The following ARRB1 variants were observed in gnomAD, a reference collection of about 807,000 sequenced individuals.
The protein encoded by ARRB1 is beta-arrestin-1.
ARRB1 carries 21 observed loss-of-function variants against 56.8 expected under a neutral mutation model. The ratio of observed to expected loss-of-function variants is 0.37; its 90% CI spans 0.26 to 0.53. The LOEUF (loss-of-function observed/expected upper bound fraction) is 0.53. ARRB1 is among the 20% of genes least tolerant of loss of function. The probability of loss-of-function intolerance (pLI) is 0.88; values close to 1 mark genes in which losing one functional copy is unlikely to be tolerated. For synonymous variants in ARRB1, 210 were observed against 218.6 expected (o/e 0.96, Z 0.35); for missense variants, 424 against 553.7 (o/e 0.77, Z 2.35).
chr11:75,333,651 G>A (rs551554174), intron 1 of ARRB1, among the ~76,000 whole-genome samples: 46 of 152,290 alleles, frequency 3.0e-4, no homozygotes, highest in African/African-American at 9.4e-4. Flanking sequence ...GGGGTGAGGA[G>A]AGGATTTTAT....
chr11:75,322,607 G>C (rs1947364567), intron 1 of ARRB1, among the ~76,000 whole-genome samples: 1 of 152,204 alleles, frequency 6.6e-6, no homozygotes. Flanking sequence ...CAGGGACATG[G>C]GGGCAGGGCC....
At chr11:75,295,221 C>CAAA (rs34666904) in intron 1 of ARRB1, among the ~76,000 whole-genome samples, 96 of 73,012 alleles carry the variant, frequency 1.3e-3, no homozygotes, top group African/African-American at 3.1e-3. Flanking sequence ...AACCCTGTCT[C>CAAA]AAAAAAAAAA....
chr11:75,304,458 A>T (rs1946975155), intron 1 of ARRB1, among the ~76,000 whole-genome samples: 1 of 152,084 alleles, frequency 6.6e-6, no homozygotes, highest in South Asian at 2.1e-4. Context: ...CCTTATATTT[A>T]TCTGGATGGG....
At chr11:75,281,784 T>C in intron 6 of ARRB1, 178 bp downstream of exon 6, 1 of 646,238 alleles carries the variant, frequency 1.5e-6, no homozygotes. Flanking sequence ...ACCCCGTACC[T>C]GCTGCCCTGT....
At chr11:75,303,773 C>T (rs539515414) in intron 1 of ARRB1, 1 of 445,948 alleles carries the variant, frequency 2.2e-6, no homozygotes, top group Non-Finnish European at 4.5e-6. Context: ...AGGCACCCAG[C>T]ACACATGTGC....
chr11:75,273,222 T>G (rs1946111281), intron 11 of ARRB1, among the ~76,000 whole-genome samples: 1 of 151,934 alleles, frequency 6.6e-6, no homozygotes, highest in African/African-American at 2.4e-5. Context: ...GCTGAGCCCC[T>G]CTCCCTGCCC....
intron 11 of ARRB1, among the ~76,000 whole-genome samples, chr11:75,273,594 C>G (rs1591896786): frequency 6.6e-6 from 1 of 152,178 alleles, no homozygotes; most frequent in Non-Finnish European, 1.5e-5. Flanking sequence ...GATGGCATCC[C>G]CATAGCCAGG....
At chr11:75,281,691 T>C in intron 6 of ARRB1, 1 of 477,824 alleles carries the variant, frequency 2.1e-6, no homozygotes, top group Non-Finnish European at 3.8e-6. Flanking sequence ...CAGGTGTAGG[T>C]CCTCAGAACA....
intron 1 of ARRB1, among the ~76,000 whole-genome samples, chr11:75,294,110 C>G (rs1019794534): frequency 1.3e-5 from 2 of 152,182 alleles, no homozygotes; most frequent in African/African-American, 4.8e-5. Flanking sequence ...GTCATGTGTT[C>G]TACACCTGGG....
chr11:75,325,091 C>T (rs1947410114), intron 1 of ARRB1, among the ~76,000 whole-genome samples: 1 of 152,256 alleles, frequency 6.6e-6, no homozygotes, highest in Middle Eastern at 3.4e-3. Context: ...GGAGAAAGGA[C>T]TACATGGTGC....
chr11:75,325,827 G>C (rs963059659), intron 1 of ARRB1, among the ~76,000 whole-genome samples: 2 of 152,138 alleles, frequency 1.3e-5, no homozygotes, highest in Non-Finnish European at 2.9e-5. Context: ...AACCTTGTGC[G>C]TAAAGGGACC....
chr11:75,343,392 G>C (rs527106), intron 1 of ARRB1, among the ~76,000 whole-genome samples: 82,358 of 151,890 alleles, frequency 0.54, 23,768 homozygotes, highest in African/African-American at 0.74. Context: ...GCCTTGGGAG[G>C]CTCAAAAAAA....
chr11:75,332,865 G>A (rs1947543193), intron 1 of ARRB1, among the ~76,000 whole-genome samples: 1 of 151,896 alleles, frequency 6.6e-6, no homozygotes, highest in African/African-American at 2.4e-5. Flanking sequence ...ACTGCACTCT[G>A]GCCTGGGCGA....
intron 1 of ARRB1, among the ~76,000 whole-genome samples, chr11:75,300,202 C>CAAAAAAAAAAAA (rs10557397): frequency 4.6e-5 from 4 of 87,304 alleles, no homozygotes; most frequent in Non-Finnish European, 4.9e-5. Context: ...GACTCTGTCT[C>CAAAAAAAAAAAA]AAAAAAAAAA....
intron 1 of ARRB1, among the ~76,000 whole-genome samples, chr11:75,316,809 T>C (rs1235670388): frequency 1.3e-5 from 2 of 152,124 alleles, no homozygotes; most frequent in Non-Finnish European, 2.9e-5. Flanking sequence ...GGCTCACGCC[T>C]GTAATCCCAG....
chr11:75,291,704 A>G (rs1043174080), intron 1 of ARRB1, among the ~76,000 whole-genome samples: 4 of 152,190 alleles, frequency 2.6e-5, no homozygotes, highest in African/African-American at 7.2e-5. Flanking sequence ...AGACCGCGAG[A>G]TAAGAGAGGG....
chr11:75,344,133 T>C (rs1305552930), intron 1 of ARRB1, among the ~76,000 whole-genome samples: 1 of 152,180 alleles, frequency 6.6e-6, no homozygotes, highest in Non-Finnish European at 1.5e-5. Context: ...AGATGCTTTA[T>C]GTCCCTGGAG....
chr11:75,324,615 G>A (rs1947402448), intron 1 of ARRB1, among the ~76,000 whole-genome samples: 2 of 152,142 alleles, frequency 1.3e-5, no homozygotes, highest in African/African-American at 4.8e-5. Flanking sequence ...GCGTGTGGGT[G>A]TGGGTGTGGA....
At chr11:75,329,964 C>T (rs1476130979) in intron 1 of ARRB1, among the ~76,000 whole-genome samples, 4 of 151,908 alleles carry the variant, frequency 2.6e-5, no homozygotes, top group African/African-American at 9.7e-5. Context: ...TGCACCACTG[C>T]ACTCTAGCCT....
Sources: gnomAD v4.1 joint callset for allele counts (sites outside exome capture counted in the v4.1 genomes callset) on GRCh38, gnomAD v4.1.1 for gene constraint, MANE v1.5 for transcripts, NCBI Gene and HGNC (gene_info 2026-07-23, HGNC 2026-07-21) for gene names.